IQCH: variants seen among roughly 807,000 people sequenced by gnomAD.
The protein encoded by IQCH is IQ domain-containing protein H.
IQCH carries 98 observed loss-of-function variants against 117.0 expected under a neutral mutation model. That is an observed-to-expected ratio of 0.84 (90% CI 0.71 to 0.99). The LOEUF is 0.99. Among genes scored for constraint, IQCH ranks in the 50% least tolerant of loss-of-function variants. The pLI is 0.00. For synonymous variants in IQCH, 412 were observed against 448.2 expected (o/e 0.92, Z 1.02); for missense variants, 1,102 against 1,243.8 (o/e 0.89, Z 1.72).
In IQCH at chr15:67,342,766, G is replaced by A. The variant is rs1037945405; in HGVS notation, c.509-1297G>A. The stretch of plus-strand genomic sequence containing the variant: ...TGGATCAGTAATTCTTAAGTGTTAA[G>A]AGTACAAAAGATTAACCTGGAGTGC... On this transcript the variant is annotated intron_variant, in intron 5 of 20. Coordinates refer to ENST00000335894, the MANE Select transcript of IQCH (RefSeq NM_001031715.3). The surrounding 1 kb of genome is among the most constrained non-coding windows in gnomAD (Gnocchi z 4.7). 6.6e-6 allele frequency among the ~76,000 whole-genome samples: 1 copy of A among 152,130 alleles called. No individual in the cohort carries two copies. Among genetic ancestry groups the A allele is most frequent in the Admixed American group, 6.5e-5 (1 of 15,276 alleles).
rs1026378674 is a variant in IQCH at position 67,445,665 on chromosome 15, C to A, written c.2506-19462C>A. On this transcript the variant is annotated intron_variant, in intron 16 of 20. Transcript: ENST00000335894. The surrounding 1 kb of genome is among the most constrained non-coding windows in gnomAD (Gnocchi z 4.3). The stretch of plus-strand genomic sequence containing the variant: ...TGTTGGCCAGGCTGGTCTCGAACTC[C>A]TGACCTGGTGATCCATCTGCCGTGG... 1.3e-5 allele frequency among the ~76,000 whole-genome samples: 2 copies of A among 152,206 alleles called. No homozygotes were observed. Among genetic ancestry groups the A allele is most frequent in the African/African-American group, 4.8e-5 (2 of 41,454 alleles).
rs117982798 is a variant in IQCH at position 67,478,035 on chromosome 15, C to T, written c.2799+2217C>T. On this transcript the variant is annotated intron_variant, in intron 18 of 20. Coordinates refer to ENST00000335894, the MANE Select transcript of IQCH (RefSeq NM_001031715.3). ...AACGCCGAGGGAAGCAGGTGGATGGCGCAGAGGAGAAGGTTCTACTGAGGG... is the reference window on the plus strand; with the variant it reads ...AACGCCGAGGGAAGCAGGTGGATGGTGCAGAGGAGAAGGTTCTACTGAGGG... 4.9e-4 allele frequency among the ~76,000 whole-genome samples: 75 copies of T among 152,206 alleles called. 2 individuals are homozygous for T. The East Asian group carries it at 5.8e-3, about 12-fold the overall frequency.
rs1319972618 is a variant in IQCH at position 67,404,366 on chromosome 15, C to T, written c.2097+4061C>T. ...CACCTCCATTGTGAAGACCTCTGTC[C>T]ATTCAGAATGGCCCTGGAACTAGGT... is the stretch of plus-strand genomic sequence containing the variant. On this transcript the variant is annotated intron_variant, in intron 14 of 20. Coordinates refer to ENST00000335894, the MANE Select transcript of IQCH (RefSeq NM_001031715.3). The surrounding 1 kb of genome is among the most constrained non-coding windows in gnomAD (Gnocchi z 4.6). 1 of 152,164 alleles carries T rather than the reference C, an allele frequency of 6.6e-6. No homozygotes were observed. The highest frequency in any genetic ancestry group is 6.5e-5 in the Admixed American group (1 of 15,284). 9.4% of individuals were successfully genotyped at this position (152,164 alleles called of 1,614,324 possible).
chr15:67,279,880 G>C (rs1187654911), intron 4 of IQCH, among the ~76,000 whole-genome samples: 1 of 151,586 alleles, frequency 6.6e-6, no homozygotes. Context: ...TGGGCGCCTG[G>C]TACTCGCCTG....
intron 5 of IQCH, among the ~76,000 whole-genome samples, chr15:67,338,046 T>G (rs565616263): frequency 6.6e-6 from 1 of 152,348 alleles, no homozygotes; most frequent in South Asian, 2.1e-4. Context: ...TTGTGACATA[T>G]GCTTTCTAGT....
chr15:67,303,089 A>G (rs1481767442), intron 4 of IQCH, among the ~76,000 whole-genome samples: 1 of 152,208 alleles, frequency 6.6e-6, no homozygotes. Context: ...CAACATTTTA[A>G]CAACTGCATC....
intron 18 of IQCH, among the ~76,000 whole-genome samples, chr15:67,482,289 G>C (rs180740775): frequency 1.3e-5 from 2 of 152,170 alleles, no homozygotes; most frequent in Non-Finnish European, 2.9e-5. Context: ...ACAAAGCCCT[G>C]TCTTCTGTTT....
rs1206940405 is a variant in IQCH at position 67,496,820 on chromosome 15, C to T, written c.2970+2454C>T. On this transcript the variant is annotated intron_variant, in intron 20 of 20. Coordinates refer to ENST00000335894, the MANE Select transcript of IQCH (RefSeq NM_001031715.3). The surrounding 1 kb of genome is among the most constrained non-coding windows in gnomAD (Gnocchi z 4.4). ...GATCATGAGGTCAGGAGATCGAGACCATCCTGGCTAACAAGGTGAAACCCC... is the reference window on the plus strand; with the variant it reads ...GATCATGAGGTCAGGAGATCGAGACTATCCTGGCTAACAAGGTGAAACCCC... Among the ~76,000 whole-genome samples, 1 of 151,348 alleles carries T rather than the reference C, an allele frequency of 6.6e-6. No individual in the cohort carries two copies. Among genetic ancestry groups the T allele is most frequent in the Admixed American group, 6.6e-5 (1 of 15,202 alleles).
chr15:67,261,471 A>C (rs572706203), intron 2 of IQCH, 77 bp downstream of exon 2: 1 of 1,240,216 alleles, frequency 8.1e-7, no homozygotes, highest in African/African-American at 1.6e-5. Flanking sequence ...CAGTTCTCAT[A>C]GAGTCCTGCA....
At chr15:67,329,724 C>T (rs1968576981) in intron 4 of IQCH, among the ~76,000 whole-genome samples, 1 of 152,060 alleles carries the variant, frequency 6.6e-6, no homozygotes, top group South Asian at 2.1e-4. Flanking sequence ...CCACATCACC[C>T]TCCCAAAGCA....
chr15:67,371,485 A>G, intron 8 of IQCH: 2 of 1,588,646 alleles, frequency 1.3e-6, no homozygotes, highest in South Asian at 1.2e-5. Flanking sequence ...AAGAAACCAG[A>G]CTTAAGAATA....
intron 4 of IQCH, chr15:67,304,503 A>G: frequency 1.1e-6 from 1 of 938,198 alleles, no homozygotes; most frequent in South Asian, 1.5e-5. Flanking sequence ...TAAGAAATAA[A>G]AGTCATTTAT....
At chr15:67,483,171 A>T (rs565968704) in intron 18 of IQCH, among the ~76,000 whole-genome samples, 121 of 152,284 alleles carry the variant, frequency 7.9e-4, no homozygotes, top group African/African-American at 2.8e-3. Context: ...GGCTGGTTTG[A>T]GATATATATA....
intron 3 of IQCH, among the ~76,000 whole-genome samples, chr15:67,278,867 C>T (rs1966235926): frequency 6.6e-6 from 1 of 152,098 alleles, no homozygotes; most frequent in African/African-American, 2.4e-5. Context: ...CTCATTCTTA[C>T]AATTTTATTT....
chr15:67,267,988 A>G (rs1965746150), intron 3 of IQCH, among the ~76,000 whole-genome samples: 1 of 152,122 alleles, frequency 6.6e-6, no homozygotes, highest in South Asian at 2.1e-4. Flanking sequence ...GTAAATGTTT[A>G]CTCTTTCCCT....
At position 67,500,751 on chromosome 15, in the gene IQCH, G is replaced by A. The variant is rs368635897; in HGVS notation, c.*5G>A. ...CTCTCTAAACCCAAGAAATGATCCT[G>A]GAATACAGTACATAACAATTTGGAT... On this transcript the variant is annotated 3_prime_UTR_variant, in exon 21 of 21. Transcript: ENST00000335894. The surrounding 1 kb of genome is among the most constrained non-coding windows in gnomAD (Gnocchi z 4.4). 19 of 1,443,652 alleles carry A rather than the reference G, an allele frequency of 1.3e-5. No individual in the cohort carries two copies. Among genetic ancestry groups the A allele is most frequent in the Non-Finnish European group, 1.6e-5 (17 of 1,038,206 alleles). The allele number at this position is 1,443,652 out of a possible 1,614,324, so 89.4% of individuals were successfully genotyped here.
At position 67,474,104 on chromosome 15, in the gene IQCH, G is replaced by GT. The variant is rs2083143480; in HGVS notation, c.2677-1592_2677-1591insT. Among the ~76,000 whole-genome samples, 2 of 150,520 alleles carry GT rather than the reference G, an allele frequency of 1.3e-5. No individual in the cohort carries two copies. Among genetic ancestry groups the GT allele is most frequent in the African/African-American group, 4.9e-5 (2 of 40,874 alleles). On this transcript the variant is annotated intron_variant, in intron 17 of 20. Coordinates refer to ENST00000335894, the MANE Select transcript of IQCH (RefSeq NM_001031715.3). This position sits in a 1 kb window ranked among gnomAD's most constrained non-coding sequence, Gnocchi z 4.1. ...TGTGTGTGTGTGTGTGTGTGTGTGT[G>GT]GAGAGGGAGAGAGGGATGCAGGAGA... is the stretch of plus-strand genomic sequence containing the variant.
In IQCH at chr15:67,403,984, G is replaced by A. The variant is rs1440165666; in HGVS notation, c.2097+3679G>A. The A allele has an allele frequency of 6.6e-6, 1 of 152,174 alleles. No homozygotes were observed. The highest frequency in any genetic ancestry group is 1.9e-4 in the East Asian group (1 of 5,192). 9.4% of individuals were successfully genotyped at this position (152,174 alleles called of 1,614,324 possible). A position where few individuals can be genotyped will look rare whatever the true frequency, so the allele number is the denominator to read the frequency against. On this transcript the variant is annotated intron_variant, in intron 14 of 20. Transcript: ENST00000335894. This position sits in a 1 kb window ranked among gnomAD's most constrained non-coding sequence, Gnocchi z 4.8. ...GTTACCCTGGAGATTCTGGGATGTG[G>A]TCTTGGCATTACTATTTTACCACTT...
chr15:67,315,910 A>T (rs1286380914), intron 4 of IQCH, among the ~76,000 whole-genome samples: 1 of 152,188 alleles, frequency 6.6e-6, no homozygotes, highest in Non-Finnish European at 1.5e-5. Flanking sequence ...CCAGAGGATG[A>T]GAGAAACCCT....
Sources: allele counts gnomAD v4.1 joint callset (sites outside exome capture counted in the v4.1 genomes callset), GRCh38; gene constraint gnomAD v4.1.1; non-coding constraint Gnocchi (gnomAD v3.1); transcripts MANE v1.5; gene names NCBI Gene and HGNC (gene_info 2026-07-23, HGNC 2026-07-21).